The following MAF variants were observed in gnomAD, a reference collection of about 807,000 sequenced individuals.
The protein encoded by MAF is transcription factor Maf.
A neutral mutation model predicts 22.0 loss-of-function variants in MAF; 10 were observed. The observed-to-expected ratio is 0.45, with a 90% CI of 0.28 to 0.77. The LOEUF (loss-of-function observed/expected upper bound fraction) is 0.77, where lower values mean the gene tolerates loss of function less well. Among genes scored for constraint, MAF ranks in the 30% least tolerant of loss-of-function variants. The pLI, the probability that MAF is intolerant of heterozygous loss-of-function variation, is 0.12. For synonymous variants in MAF, 337 were observed against 255.8 expected (o/e 1.32, Z -3.03); for missense variants, 544 against 548.4 (o/e 0.99, Z 0.08).
the MAF span, among the ~76,000 whole-genome samples, chr16:79,209,856 A>G: frequency 3.9e-5 from 6 of 152,216 alleles, no homozygotes; most frequent in Non-Finnish European, 7.3e-5. Context: ...CAGGGTTATT[A>G]GGAATAATAA....
At chr16:79,422,188 G>A in the MAF span, among the ~76,000 whole-genome samples, 2 of 152,104 alleles carry the variant, frequency 1.3e-5, no homozygotes, top group Non-Finnish European at 2.9e-5. Flanking sequence ...GTTATTTTGG[G>A]TTTCTCTGCT....
chr16:79,425,387 T>G, the MAF span, among the ~76,000 whole-genome samples: 1 of 152,188 alleles, frequency 6.6e-6, no homozygotes, highest in Non-Finnish European at 1.5e-5. Flanking sequence ...ACTACATTGT[T>G]TGCATGAAAA....
chr16:79,226,589 G>A, the MAF span, among the ~76,000 whole-genome samples: 2 of 152,056 alleles, frequency 1.3e-5, no homozygotes, highest in Non-Finnish European at 2.9e-5. Flanking sequence ...ATAAAAGTTG[G>A]TAGGGTATGA....
chr16:79,466,589 C>G, the MAF span, among the ~76,000 whole-genome samples: 4 of 152,188 alleles, frequency 2.6e-5, no homozygotes, highest in African/African-American at 9.7e-5. Context: ...CTGCATGATG[C>G]TGTCTACACA....
At chr16:79,580,571 T>G in the MAF span, among the ~76,000 whole-genome samples, 6 of 152,132 alleles carry the variant, frequency 3.9e-5, no homozygotes. Context: ...TTCGAAGGTC[T>G]GATGAGTCTC....
chr16:79,448,077 C>G, the MAF span, among the ~76,000 whole-genome samples: 1 of 152,074 alleles, frequency 6.6e-6, no homozygotes, highest in Non-Finnish European at 1.5e-5. Context: ...TTAGAATATT[C>G]CATACACTTA....
the MAF span, among the ~76,000 whole-genome samples, chr16:79,467,317 G>T: frequency 6.6e-6 from 1 of 152,100 alleles, no homozygotes; most frequent in Non-Finnish European, 1.5e-5. Flanking sequence ...CATGTGTACT[G>T]CCTCACACCC....
the MAF span, among the ~76,000 whole-genome samples, chr16:79,441,857 G>A: frequency 6.6e-6 from 1 of 152,186 alleles, no homozygotes. Flanking sequence ...AGAATGTCGA[G>A]GTAAAATTAT....
the MAF span, among the ~76,000 whole-genome samples, chr16:79,442,221 G>C: frequency 6.6e-6 from 1 of 152,202 alleles, no homozygotes; most frequent in Non-Finnish European, 1.5e-5. Context: ...GGGATGAAAG[G>C]TGTTTTGCTG....
the MAF span, among the ~76,000 whole-genome samples, chr16:79,384,158 T>G: frequency 1.3e-5 from 2 of 151,986 alleles, no homozygotes; most frequent in African/African-American, 2.4e-5. Context: ...TAAAAAAAAG[T>G]GATGGCCGGG....
chr16:79,376,520 TA>T, the MAF span, among the ~76,000 whole-genome samples: 21 of 152,308 alleles, frequency 1.4e-4, no homozygotes, highest in African/African-American at 2.2e-4. Context: ...TATTTTATTT[TA>T]TTTTTTTTCT....
the MAF span, among the ~76,000 whole-genome samples, chr16:79,520,906 G>T: frequency 6.8e-3 from 1,040 of 152,180 alleles, 11 homozygotes; most frequent in African/African-American, 0.024. Flanking sequence ...CCCTACTTCC[G>T]TCCTACAACA....
chr16:79,472,644 A>T, the MAF span, among the ~76,000 whole-genome samples: 9 of 152,124 alleles, frequency 5.9e-5, no homozygotes, highest in African/African-American at 2.2e-4. Flanking sequence ...GTGACTGTTC[A>T]TGGGTATGGA....
At chr16:79,509,962 G>A in the MAF span, among the ~76,000 whole-genome samples, 9 of 152,188 alleles carry the variant, frequency 5.9e-5, no homozygotes, top group African/African-American at 1.4e-4. Flanking sequence ...GAAGGATAGC[G>A]GAGGGTATCC....
chr16:79,297,890 C>T, the MAF span, among the ~76,000 whole-genome samples: 1 of 152,200 alleles, frequency 6.6e-6, no homozygotes, highest in South Asian at 2.1e-4. Context: ...ACACTTGAGT[C>T]ACCTGGGGAG....
At chr16:79,307,834 G>C in the MAF span, among the ~76,000 whole-genome samples, 1 of 152,194 alleles carries the variant, frequency 6.6e-6, no homozygotes, top group Non-Finnish European at 1.5e-5. Flanking sequence ...CAAATCGTAA[G>C]CCAACAACGA....
the MAF span, among the ~76,000 whole-genome samples, chr16:79,377,903 C>A: frequency 1.3e-5 from 2 of 152,118 alleles, no homozygotes; most frequent in African/African-American, 4.8e-5. Flanking sequence ...GTTTTGGTAC[C>A]AGTACCATGC....
chr16:79,541,919 G>C, the MAF span, among the ~76,000 whole-genome samples: 1 of 152,172 alleles, frequency 6.6e-6, no homozygotes, highest in Non-Finnish European at 1.5e-5. Flanking sequence ...GCCTCCCAAA[G>C]TGCTGGGATT....
At chr16:79,250,909 G>C in the MAF span, among the ~76,000 whole-genome samples, 1 of 152,080 alleles carries the variant, frequency 6.6e-6, no homozygotes, top group East Asian at 1.9e-4. Flanking sequence ...AAGCAGACTG[G>C]ACAAGTGGTG....
Sources: allele counts gnomAD v4.1 joint callset (sites outside exome capture counted in the v4.1 genomes callset), GRCh38; gene constraint gnomAD v4.1.1; transcripts MANE v1.5; gene names NCBI Gene and HGNC (gene_info 2026-07-23, HGNC 2026-07-21).